RAB3GAP1: variants seen among roughly 807,000 people sequenced by gnomAD.
RAB3GAP1 encodes the protein RAB3 GTPase activating protein catalytic subunit 1.
A neutral mutation model predicts 130.7 loss-of-function variants in RAB3GAP1; 86 were observed. The ratio of observed to expected loss-of-function variants is 0.66; its 90% confidence interval spans 0.55 to 0.79. The LOEUF is 0.79. Ranked by LOEUF, RAB3GAP1 falls within the 30% of genes least tolerant of loss-of-function variation. The pLI is 0.00. For synonymous variants in RAB3GAP1, 367 were observed against 401.7 expected (o/e 0.91, Z 1.03); for missense variants, 1,029 against 1,169.4 (o/e 0.88, Z 1.75).
chr2:135,136,652 A>C (rs2104953572), intron 17 of RAB3GAP1: 2 of 1,169,660 alleles, frequency 1.7e-6, no homozygotes, highest in Non-Finnish European at 1.1e-6. Context: ...TTTTTGTTTA[A>C]CTTGTGGACA....
chr2:135,063,119 A>G (rs1689222719), intron 3 of RAB3GAP1, among the ~76,000 whole-genome samples: 1 of 152,138 alleles, frequency 6.6e-6, no homozygotes, highest in African/African-American at 2.4e-5. Flanking sequence ...ATGCTTCAAA[A>G]CTTAAGTTAA....
intron 3 of RAB3GAP1, among the ~76,000 whole-genome samples, chr2:135,073,261 C>A (rs1160912503): frequency 6.6e-6 from 1 of 152,114 alleles, no homozygotes; most frequent in African/African-American, 2.4e-5. Flanking sequence ...CATTACCCAG[C>A]AGGATTTGGA....
intron 3 of RAB3GAP1, among the ~76,000 whole-genome samples, chr2:135,061,753 A>AT (rs1475681104): frequency 6.6e-6 from 1 of 151,698 alleles, no homozygotes; most frequent in Admixed American, 6.6e-5. Context: ...TTTTTAATGC[A>AT]TTTTTCTAGA....
At chr2:135,117,534 T>TCTG (rs1691026578) in intron 7 of RAB3GAP1, among the ~76,000 whole-genome samples, 1 of 70,094 alleles carries the variant, frequency 1.4e-5, no homozygotes, top group Non-Finnish European at 3.4e-5. Flanking sequence ...TTCTTCTGCT[T>TCTG]CTTCTTCTGC....
intron 7 of RAB3GAP1, among the ~76,000 whole-genome samples, chr2:135,117,777 GCTTCTTCTGCTT>G (rs1466117513): frequency 7.4e-5 from 5 of 67,550 alleles, no homozygotes; most frequent in Admixed American, 3.1e-4. Context: ...TGCTTCTTCT[GCTTCTTCTGCTT>G]CTTCTTCTTC....
chr2:135,079,755 A>G (rs1232689811), intron 3 of RAB3GAP1, among the ~76,000 whole-genome samples: 1 of 152,218 alleles, frequency 6.6e-6, no homozygotes, highest in Non-Finnish European at 1.5e-5. Flanking sequence ...CCTACTGGTA[A>G]ATGAGATGGT....
chr2:135,135,405 T>A, intron 16 of RAB3GAP1, 86 bp downstream of exon 16: 1 of 1,447,044 alleles, frequency 6.9e-7, no homozygotes, highest in Non-Finnish European at 9.7e-7. Flanking sequence ...GGTTACATGC[T>A]GTTCTCATGG....
At chr2:135,088,549 C>T (rs1218644575) in intron 3 of RAB3GAP1, among the ~76,000 whole-genome samples, 5 of 151,492 alleles carry the variant, frequency 3.3e-5, no homozygotes, top group African/African-American at 9.7e-5. Context: ...ATTAGCCAGG[C>T]GTGGTGGTGC....
intron 2 of RAB3GAP1, among the ~76,000 whole-genome samples, chr2:135,053,707 G>C (rs1688939446): frequency 1.3e-5 from 2 of 152,132 alleles, no homozygotes; most frequent in Admixed American, 6.5e-5. Flanking sequence ...TAGGTACTGG[G>C]TGTCCAGAGC....
At chr2:135,078,872 G>T (rs1346409408) in intron 3 of RAB3GAP1, among the ~76,000 whole-genome samples, 8 of 151,618 alleles carry the variant, frequency 5.3e-5, no homozygotes, top group African/African-American at 1.9e-4. Flanking sequence ...TAGAAATGTG[G>T]TTTCTCTTTT....
rs542524408 is a variant in RAB3GAP1, at chr2:135,145,395, CACAT to C, written c.1924-4970_1924-4967del. Among the ~76,000 whole-genome samples the C allele has an allele frequency of 4.2e-3, 584 of 140,676 alleles. 5 individuals are homozygous for C. Among genetic ancestry groups the C allele is most frequent in the African/African-American group, 0.016 (556 of 34,416 alleles). The allele number at this position is 140,676 out of a possible 152,430, so 92.3% of individuals were successfully genotyped here. A position where few individuals can be genotyped will look rare whatever the true frequency, so the allele number is the denominator to read the frequency against. On this transcript the variant is annotated intron_variant, in intron 17 of 23. Transcript: ENST00000264158. ...ATACCACCCCTCACCAACACACACACACATACACACACACACACACACACACACT... is the reference window on the plus strand; with the variant it reads ...ATACCACCCCTCACCAACACACACACACACACACACACACACACACACACT...
chr2:135,091,981 G>A (rs1199505789), intron 4 of RAB3GAP1, among the ~76,000 whole-genome samples: 1 of 152,164 alleles, frequency 6.6e-6, no homozygotes, highest in African/African-American at 2.4e-5. Flanking sequence ...TCATTTGTAA[G>A]CTCAGACCTG....
intron 7 of RAB3GAP1, among the ~76,000 whole-genome samples, chr2:135,117,471 T>G (rs1574125981): frequency 2.8e-5 from 4 of 144,714 alleles, no homozygotes; most frequent in African/African-American, 1.0e-4. Context: ...TGCTTCTGCT[T>G]CTGCTTCTTC....
chr2:135,172,953 C>T (rs563185957), downstream of RAB3GAP1, among the ~76,000 whole-genome samples: 5 of 152,166 alleles, frequency 3.3e-5, no homozygotes, highest in East Asian at 1.9e-4. Context: ...TATTTTGGTT[C>T]GTAAAGAGAG....
rs890619829 is a variant in RAB3GAP1, at chr2:135,169,111, C to T, written c.*330C>T. 2.4e-6 allele frequency: 1 copy of T among 411,918 alleles called. No homozygotes were observed. The highest frequency in any genetic ancestry group is 4.6e-6 in the Non-Finnish European group (1 of 217,560). 25.5% of individuals were successfully genotyped at this position (411,918 alleles called of 1,614,324 possible). ...TGTTCATCGCATTCTCTTCTGTGAC[C>T]AGCCTCTAGGCTAGCGGCTGCATTC... is the stretch of plus-strand genomic sequence containing the variant. On this transcript the variant is annotated 3_prime_UTR_variant, in exon 24 of 24. Coordinates refer to ENST00000264158, the MANE Select transcript of RAB3GAP1 (RefSeq NM_012233.3).
intron 3 of RAB3GAP1, among the ~76,000 whole-genome samples, chr2:135,059,251 A>G (rs543459480): frequency 6.6e-6 from 1 of 152,306 alleles, no homozygotes; most frequent in Non-Finnish European, 1.5e-5. Context: ...ATTGATATAG[A>G]TGCCAATAAG....
downstream of RAB3GAP1, among the ~76,000 whole-genome samples, chr2:135,171,739 C>G (rs1242116798): frequency 2.0e-5 from 3 of 152,162 alleles, no homozygotes; most frequent in Non-Finnish European, 4.4e-5. Context: ...ACCTGGTGCT[C>G]AGGAAGCTCA....
At chr2:135,126,753 C>T (rs1335365726) in intron 11 of RAB3GAP1, 97 bp downstream of exon 11, 1 of 1,027,924 alleles carries the variant, frequency 9.7e-7, no homozygotes, top group Admixed American at 1.7e-5. Flanking sequence ...GTCACCTCTT[C>T]AGTTAACACC....
Position 135,168,916 on chromosome 2 carries a change from C to G in RAB3GAP1, c.*135C>G, listed in dbSNP as rs10170125. ...GGGTGATCAGGAATCAAACCAGCAT[C>G]GGAAAGACTTCCCAGCACCAAGCTT... is the stretch of plus-strand genomic sequence containing the variant. On this transcript the variant is annotated 3_prime_UTR_variant, in exon 24 of 24. Coordinates refer to ENST00000264158, the MANE Select transcript of RAB3GAP1 (RefSeq NM_012233.3). 6,329 of 804,306 alleles carry G rather than the reference C, an allele frequency of 7.9e-3. 231 individuals are homozygous for G. In the African/African-American group the frequency reaches 0.088, roughly 11 times the overall value. 49.8% of individuals were successfully genotyped at this position (804,306 alleles called of 1,614,324 possible). A position where few individuals can be genotyped will look rare whatever the true frequency, so the allele number is the denominator to read the frequency against.
Sources: gnomAD v4.1 joint callset for allele counts (sites outside exome capture counted in the v4.1 genomes callset) on GRCh38, gnomAD v4.1.1 for gene constraint, MANE v1.5 for transcripts, NCBI Gene and HGNC (gene_info 2026-07-23, HGNC 2026-07-21) for gene names.